THSD4: variants seen among roughly 807,000 people sequenced by gnomAD.
THSD4 encodes thrombospondin type 1 domain containing 4, also known as thrombospondin type-1 domain-containing protein 4.
Under a neutral mutation model 119.0 loss-of-function variants are expected in THSD4, and 69 were observed. The observed-to-expected ratio is 0.58, with a 90% CI of 0.48 to 0.71. The LOEUF (loss-of-function observed/expected upper bound fraction) is 0.71, where lower values mean the gene tolerates loss of function less well. Among genes scored for constraint, THSD4 ranks in the 30% least tolerant of loss-of-function variants. The pLI, the probability that THSD4 is intolerant of heterozygous loss-of-function variation, is 0.00. For missense variants in THSD4, 1,393 were observed against 1,391.1 expected (o/e 1.00, Z -0.02); for synonymous variants, 524 against 540.4 (o/e 0.97, Z 0.42).
chr15:71,742,858 A>C (rs2053262602), intron 11 of THSD4, among the ~76,000 whole-genome samples: 1 of 152,088 alleles, frequency 6.6e-6, no homozygotes. Flanking sequence ...AGTTTAAGAC[A>C]AGCCTGGACA....
chr15:71,544,581 A>T (rs564005279), intron 7 of THSD4, among the ~76,000 whole-genome samples: 3 of 152,230 alleles, frequency 2.0e-5, no homozygotes, highest in African/African-American at 7.2e-5. Flanking sequence ...TGTCACCACT[A>T]TGGAGAACAG....
rs1179615756 is a variant in THSD4 at position 71,346,947 on chromosome 15, C to T, written c.1016-64740C>T. On this transcript the variant is annotated intron_variant, in intron 6 of 17. Coordinates refer to ENST00000261862, the MANE Select transcript of THSD4 (RefSeq NM_024817.3). ...GGAGTGCAATGGTGTGATCTCGGCTCACCGCAGCCTCCGCCTCCTGGGTTC... is the reference window on the plus strand; with the variant it reads ...GGAGTGCAATGGTGTGATCTCGGCTTACCGCAGCCTCCGCCTCCTGGGTTC... 2.3e-5 allele frequency among the ~76,000 whole-genome samples: 3 copies of T among 132,800 alleles called. No homozygotes were observed. In the East Asian group the frequency reaches 7.0e-4, roughly 31 times the overall value. 87.1% of individuals were successfully genotyped at this position (132,800 alleles called of 152,430 possible).
At chr15:71,424,519 T>G (rs1163297213) in intron 7 of THSD4, among the ~76,000 whole-genome samples, 1 of 152,060 alleles carries the variant, frequency 6.6e-6, no homozygotes, top group Admixed American at 6.6e-5. Context: ...AACGAGAGGA[T>G]GTATTGGAAG....
At chr15:71,140,788 A>G (rs557274552) in intron 1 of THSD4, among the ~76,000 whole-genome samples, 11 of 152,216 alleles carry the variant, frequency 7.2e-5, no homozygotes, top group Admixed American at 5.9e-4. Flanking sequence ...TTGTACAACC[A>G]TCACCACAAT....
At chr15:71,526,262 G>A (rs1382872270) in intron 7 of THSD4, among the ~76,000 whole-genome samples, 1 of 152,154 alleles carries the variant, frequency 6.6e-6, no homozygotes, top group Non-Finnish European at 1.5e-5. Flanking sequence ...GGATTCCAGA[G>A]AATGCAAATT....
intron 6 of THSD4, among the ~76,000 whole-genome samples, chr15:71,309,559 A>G (rs1476299283): frequency 6.6e-6 from 1 of 152,154 alleles, no homozygotes; most frequent in Non-Finnish European, 1.5e-5. Flanking sequence ...GTCCTATTTG[A>G]GAAACCATTA....
At chr15:71,298,527 T>C in intron 6 of THSD4, among the ~76,000 whole-genome samples, 1 of 100,790 alleles carries the variant, frequency 9.9e-6, no homozygotes, top group East Asian at 3.2e-4. Flanking sequence ...CAGATGAGGC[T>C]TTATTTCTTC....
At chr15:71,659,291 T>C (rs1269853471) in intron 7 of THSD4, among the ~76,000 whole-genome samples, 1 of 152,218 alleles carries the variant, frequency 6.6e-6, no homozygotes, top group African/African-American at 2.4e-5. Flanking sequence ...GTGACAGAAT[T>C]CTTTGTTCAG....
At chr15:71,677,344 G>T (rs1019334791) in intron 8 of THSD4, among the ~76,000 whole-genome samples, 1 of 152,220 alleles carries the variant, frequency 6.6e-6, no homozygotes, top group African/African-American at 2.4e-5. Flanking sequence ...TTTGGACTCA[G>T]TTCTTGCCTT....
chr15:71,213,546 T>G (rs915651302), intron 3 of THSD4, among the ~76,000 whole-genome samples: 3 of 152,164 alleles, frequency 2.0e-5, no homozygotes, highest in African/African-American at 7.2e-5. Flanking sequence ...TAAGCACTTG[T>G]GTGGACCTGT....
chr15:71,284,349 G>C (rs995969025), intron 6 of THSD4, among the ~76,000 whole-genome samples: 1 of 152,144 alleles, frequency 6.6e-6, no homozygotes, highest in Admixed American at 6.5e-5. Context: ...CTCTCTCTTT[G>C]TTGGTGTTAT....
rs568898202 is a variant in THSD4 at position 71,376,965 on chromosome 15, G to A, written c.1016-34722G>A. 5.3e-5 allele frequency among the ~76,000 whole-genome samples: 8 copies of A among 152,302 alleles called. No homozygotes were observed. The East Asian group carries it at 9.7e-4, about 18-fold the overall frequency. On this transcript the variant is annotated intron_variant, in intron 6 of 17. Coordinates refer to ENST00000261862, the MANE Select transcript of THSD4 (RefSeq NM_024817.3). Reference sequence around the variant, plus strand: ...GTGACACCTTAAGGAGATGCTGTACGAATACTCACCTAGCAGGTGTGTGCA... The same window carrying A: ...GTGACACCTTAAGGAGATGCTGTACAAATACTCACCTAGCAGGTGTGTGCA...
intron 10 of THSD4, among the ~76,000 whole-genome samples, chr15:71,735,451 A>ATT (rs1555447359): frequency 7.6e-5 from 9 of 118,828 alleles, no homozygotes; most frequent in Non-Finnish European, 1.5e-4. Context: ...TCTCTTTCTC[A>ATT]CTCTCTCTCT....
At chr15:71,340,195 T>G (rs1485738866) in intron 6 of THSD4, among the ~76,000 whole-genome samples, 1 of 152,256 alleles carries the variant, frequency 6.6e-6, no homozygotes, top group Non-Finnish European at 1.5e-5. Flanking sequence ...ACCGTGTGCT[T>G]GCTGAGGCAG....
chr15:71,154,814 T>C, intron 2 of THSD4, 49 bp from the exon 3 acceptor site: 2 of 1,591,070 alleles, frequency 1.3e-6, no homozygotes, highest in Non-Finnish European at 1.7e-6. Flanking sequence ...TGGGTGCTGC[T>C]GCCTGGAACA....
intron 7 of THSD4, among the ~76,000 whole-genome samples, chr15:71,418,189 T>A (rs2046778314): frequency 9.2e-6 from 1 of 108,286 alleles, no homozygotes; most frequent in Non-Finnish European, 2.0e-5. Flanking sequence ...AATATAAAAT[T>A]TTATCATCTG....
At chr15:71,350,992 C>T (rs2045737074) in intron 6 of THSD4, among the ~76,000 whole-genome samples, 1 of 152,184 alleles carries the variant, frequency 6.6e-6, no homozygotes, top group South Asian at 2.1e-4. Flanking sequence ...AAGTTTGTCA[C>T]CACGCTGTGG....
At chr15:71,561,535 T>A (rs1476786078) in intron 7 of THSD4, among the ~76,000 whole-genome samples, 1 of 151,908 alleles carries the variant, frequency 6.6e-6, no homozygotes, top group Non-Finnish European at 1.5e-5. Flanking sequence ...TAATATGGAG[T>A]TGGGGGTGAG....
At chr15:71,706,488 A>T (rs1182988089) in intron 8 of THSD4, among the ~76,000 whole-genome samples, 1 of 152,222 alleles carries the variant, frequency 6.6e-6, no homozygotes, top group East Asian at 1.9e-4. Flanking sequence ...AATTGTGGAT[A>T]GTTGGGATTG....
Sources: gnomAD v4.1 joint callset for allele counts (sites outside exome capture counted in the v4.1 genomes callset) on GRCh38, gnomAD v4.1.1 for gene constraint, MANE v1.5 for transcripts, NCBI Gene and HGNC (gene_info 2026-07-23, HGNC 2026-07-21) for gene names.